The following BNC2 variants were observed in gnomAD, a reference collection of about 807,000 sequenced individuals.
BNC2 encodes the protein zinc finger protein basonuclin-2.
In BNC2, 20 loss-of-function variants were observed where a neutral mutation model predicts 76.3. That is an observed-to-expected ratio of 0.26 (90% CI 0.18 to 0.38). The LOEUF is 0.38. Among genes scored for constraint, BNC2 ranks in the 10% least tolerant of loss-of-function variants. The probability of loss-of-function intolerance (pLI) is 1.00; values close to 1 mark genes in which losing one functional copy is unlikely to be tolerated. For missense variants in BNC2, 1,382 were observed against 1,399.8 expected, an observed-to-expected ratio of 0.99 and a Z score of 0.20; for synonymous variants, 582 against 514.8, an observed-to-expected ratio of 1.13 and a Z score of -1.77.
intron 5 of BNC2, among the ~76,000 whole-genome samples, chr9:16,503,833 G>C (rs760315031): frequency 2.6e-4 from 40 of 152,148 alleles, no homozygotes; most frequent in African/African-American, 9.4e-4. Context: ...AATTATGTGG[G>C]CCTCTTCATG....
chr9:16,516,426 A>G (rs1402887809), intron 5 of BNC2, among the ~76,000 whole-genome samples: 1 of 152,134 alleles, frequency 6.6e-6, no homozygotes, highest in African/African-American at 2.4e-5. Flanking sequence ...AGTGGATAAC[A>G]GTTATGCAGC....
rs539311128 is a variant in BNC2, at chr9:16,761,240, C to T, written c.4-22755G>A. ...TCCAGCCTGGCAGACAGAGTAAGACCGTCTCAAAACAAAAAACAACAACAA... is the reference window on the plus strand; with the variant it reads ...TCCAGCCTGGCAGACAGAGTAAGACTGTCTCAAAACAAAAAACAACAACAA... On this transcript the variant is annotated intron_variant, in intron 1 of 6. Transcript: ENST00000380672. 2.9e-3 allele frequency among the ~76,000 whole-genome samples: 435 copies of T among 151,792 alleles called. 2 individuals are homozygous for T. Among genetic ancestry groups the T allele is most frequent in the Middle Eastern group, 6.8e-3 (2 of 294 alleles).
intron 5 of BNC2, among the ~76,000 whole-genome samples, chr9:16,508,266 CT>C (rs1490618332): frequency 6.6e-6 from 1 of 152,222 alleles, no homozygotes; most frequent in African/African-American, 2.4e-5. Flanking sequence ...TCAAAGACAT[CT>C]TGGACTTGAT....
chr9:16,776,229 C>T (rs1299541491), intron 1 of BNC2, among the ~76,000 whole-genome samples: 1 of 152,108 alleles, frequency 6.6e-6, no homozygotes, highest in Non-Finnish European at 1.5e-5. Context: ...CAACCTTCGC[C>T]TCCTGGGTTC....
chr9:16,484,037 C>T (rs966781816), intron 5 of BNC2, among the ~76,000 whole-genome samples: 2 of 152,186 alleles, frequency 1.3e-5, no homozygotes, highest in African/African-American at 4.8e-5. Context: ...CTTTCTGGCT[C>T]TCCCAGGAGA....
At chr9:16,520,071 T>C (rs904732971) in intron 5 of BNC2, among the ~76,000 whole-genome samples, 1 of 152,240 alleles carries the variant, frequency 6.6e-6, no homozygotes, top group African/African-American at 2.4e-5. Flanking sequence ...GCTACCATAA[T>C]CTGACTTCTG....
At chr9:16,709,668 T>G (rs984429463) in intron 3 of BNC2, among the ~76,000 whole-genome samples, 2 of 152,204 alleles carry the variant, frequency 1.3e-5, no homozygotes, top group African/African-American at 4.8e-5. Flanking sequence ...CTTAATAAAA[T>G]TTAGTTAACT....
At chr9:16,664,713 C>CAA (rs1433642556) in intron 3 of BNC2, among the ~76,000 whole-genome samples, 3 of 143,442 alleles carry the variant, frequency 2.1e-5, no homozygotes, top group African/African-American at 7.9e-5. Context: ...ACAAAAAAAA[C>CAA]AAAAAAAAAC....
intron 1 of BNC2, among the ~76,000 whole-genome samples, chr9:16,788,255 T>G (rs12341542): frequency 1.3e-5 from 2 of 152,026 alleles, no homozygotes; most frequent in Non-Finnish European, 2.9e-5. Context: ...TGACACTCCA[T>G]AAAGAGGTCA....
intron 5 of BNC2, among the ~76,000 whole-genome samples, chr9:16,527,753 C>G (rs113532208): frequency 6.6e-6 from 1 of 152,154 alleles, no homozygotes; most frequent in East Asian, 1.9e-4. Context: ...AAGCATTACA[C>G]GGATGCCACA....
At chr9:16,451,835 G>A (rs913403780) in intron 5 of BNC2, among the ~76,000 whole-genome samples, 3 of 152,112 alleles carry the variant, frequency 2.0e-5, no homozygotes, top group Admixed American at 6.5e-5. Context: ...TATCGTCCTT[G>A]ATATCCCCAC....
intron 1 of BNC2, among the ~76,000 whole-genome samples, chr9:16,760,271 G>GA (rs1825515758): frequency 6.6e-6 from 1 of 152,134 alleles, no homozygotes; most frequent in African/African-American, 2.4e-5. Context: ...GCAACTCTCA[G>GA]AAAAATGTAC....
chr9:16,495,636 T>C (rs767847773), intron 5 of BNC2, among the ~76,000 whole-genome samples: 1 of 152,234 alleles, frequency 6.6e-6, no homozygotes, highest in Non-Finnish European at 1.5e-5. Context: ...CCATGTGCTC[T>C]GGTTTGGGCT....
At chr9:16,790,521 A>G (rs1468598770) in intron 1 of BNC2, among the ~76,000 whole-genome samples, 1 of 152,224 alleles carries the variant, frequency 6.6e-6, no homozygotes, top group East Asian at 1.9e-4. Context: ...CTCGTTGCTA[A>G]TTTACAATTC....
At chr9:16,601,344 A>G (rs908656964) in intron 3 of BNC2, among the ~76,000 whole-genome samples, 7 of 152,138 alleles carry the variant, frequency 4.6e-5, no homozygotes, top group African/African-American at 1.4e-4. Context: ...TCCTGGCCCT[A>G]TATTGTTAAC....
intron 3 of BNC2, among the ~76,000 whole-genome samples, chr9:16,716,834 A>AT (rs1005469588): frequency 6.6e-6 from 1 of 152,138 alleles, no homozygotes; most frequent in African/African-American, 2.4e-5. Context: ...TTTTTCTTCC[A>AT]TTTTTACCTA....
At chr9:16,507,224 C>T (rs1450127169) in intron 5 of BNC2, among the ~76,000 whole-genome samples, 1 of 150,308 alleles carries the variant, frequency 6.7e-6, no homozygotes, top group Non-Finnish European at 1.5e-5. Context: ...TGTCTACAAG[C>T]CTTTTGAGGG....
chr9:16,664,799 G>A (rs569126172), intron 3 of BNC2, among the ~76,000 whole-genome samples: 8 of 152,214 alleles, frequency 5.3e-5, no homozygotes, highest in African/African-American at 1.9e-4. Flanking sequence ...TGAAAACGCT[G>A]TTCTGCTCTG....
At chr9:16,597,311 G>C (rs1335135664) in intron 3 of BNC2, among the ~76,000 whole-genome samples, 1 of 151,950 alleles carries the variant, frequency 6.6e-6, no homozygotes, top group South Asian at 2.1e-4. Flanking sequence ...TGTCCCTGTT[G>C]GGCACGCTGC....
Sources: allele counts gnomAD v4.1 joint callset (sites outside exome capture counted in the v4.1 genomes callset), GRCh38; gene constraint gnomAD v4.1.1; transcripts MANE v1.5; gene names NCBI Gene and HGNC (gene_info 2026-07-23, HGNC 2026-07-21).